The following COL20A1 variants were observed in gnomAD, a reference collection of about 807,000 sequenced individuals.
The protein encoded by COL20A1 is collagen type XX alpha 1 chain.
COL20A1 carries 164 observed loss-of-function variants against 152.9 expected under a neutral mutation model. The observed-to-expected ratio is 1.07, with a 90% CI of 0.94 to 1.22. COL20A1 has a LOEUF of 1.22. Among genes scored for constraint, COL20A1 ranks in the 50% most tolerant of loss-of-function variants. COL20A1 has a pLI of 0.00. For missense variants in COL20A1, 1,873 were observed against 1,744.8 expected, an observed-to-expected ratio of 1.07 and a Z score of -1.31; for synonymous variants, 864 against 756.0, an observed-to-expected ratio of 1.14 and a Z score of -2.34.
chr20:63,300,117 TATTTC>T (rs1166325869), intron 3 of COL20A1, among the ~76,000 whole-genome samples: 3 of 152,092 alleles, frequency 2.0e-5, no homozygotes, highest in African/African-American at 4.8e-5. Flanking sequence ...AATTTGCAAA[TATTTC>T]ATTTAAGATT....
chr20:63,303,803 T>C (rs1329554636), intron 3 of COL20A1, among the ~76,000 whole-genome samples: 1 of 150,242 alleles, frequency 6.7e-6, no homozygotes, highest in African/African-American at 2.5e-5. Flanking sequence ...CTCCCTCCCT[T>C]CCTCCCTCCC....
intron 27 of COL20A1, among the ~76,000 whole-genome samples, chr20:63,322,793 A>G (rs1284331223): frequency 1.3e-5 from 2 of 152,022 alleles, no homozygotes; most frequent in African/African-American, 4.8e-5. Flanking sequence ...CCCGACACCC[A>G]CCTCTCCCCC....
At chr20:63,330,399 CA>C (rs2068317782) in intron 35 of COL20A1, among the ~76,000 whole-genome samples, 1 of 152,098 alleles carries the variant, frequency 6.6e-6, no homozygotes, top group South Asian at 2.1e-4. Flanking sequence ...GCAGGAGACC[CA>C]GGGGCTCCTG....
chr20:63,307,183 C>A (rs912108076), intron 5 of COL20A1, among the ~76,000 whole-genome samples: 1 of 152,246 alleles, frequency 6.6e-6, no homozygotes, highest in African/African-American at 2.4e-5. Context: ...TGCCCACCCT[C>A]CCCTCCTTGC....
Position 63,314,168 on chromosome 20 carries a change from A to G in COL20A1, c.2455A>G (p.Arg819Gly). ...VLVSAIYAAG[R>G]SEAVSATGQT... ...GGTCTCAGCTATCTATGCAGCAGGC[A>G]GGAGTGAGGCTGTGTCTGCCACGGG... The change falls in exon 19 of 36, where the codon AGG becomes GGG. Residue 819 changes from arginine to glycine, a missense_variant. Coordinates refer to ENST00000358894, the MANE Select transcript of COL20A1 (RefSeq NM_020882.4). The G allele has an allele frequency of 6.3e-7, 1 of 1,582,530 alleles. No individual in the cohort carries two copies. Among genetic ancestry groups the G allele is most frequent in the Non-Finnish European group, 8.6e-7 (1 of 1,164,802 alleles).
chr20:63,323,191 G>A (rs572529415), intron 27 of COL20A1, among the ~76,000 whole-genome samples: 1 of 152,380 alleles, frequency 6.6e-6, no homozygotes, highest in African/African-American at 2.4e-5. Flanking sequence ...GATGTCCTCT[G>A]ACTTCTTCTC....
rs1178227322 is a variant in COL20A1 at position 63,310,386 on chromosome 20, G to A, written c.1269G>A (p.Val423=). Residue 423 remains valine, a synonymous_variant, in exon 11 of 36, where the codon GTG becomes GTA. Coordinates refer to ENST00000358894, the MANE Select transcript of COL20A1 (RefSeq NM_020882.4). ...CCTTGCCCACTCTGTTCCAGGTGGTGGTGGAGGGACCCGCCGCCTCCACGG... is the reference window on the plus strand; with the variant it reads ...CCTTGCCCACTCTGTTCCAGGTGGTAGTGGAGGGACCCGCCGCCTCCACGG... ...ASRGGTPREV[V]VEGPAASTEL... The A allele has an allele frequency of 1.2e-6, 2 of 1,610,966 alleles. No homozygotes were observed. The highest frequency in any genetic ancestry group is 2.7e-5 in the African/African-American group (2 of 74,876).
chr20:63,324,688 C>A (rs960973124), intron 27 of COL20A1: 1 of 153,094 alleles, frequency 6.5e-6, no homozygotes, highest in South Asian at 2.0e-4. Context: ...CTGCAGAGCT[C>A]AGCTTGCTGA....
intron 30 of COL20A1, 113 bp downstream of exon 30, chr20:63,326,262 G>T: frequency 1.2e-6 from 1 of 802,798 alleles, no homozygotes; most frequent in Non-Finnish European, 2.1e-6. Flanking sequence ...CCCAGGAAGT[G>T]CCTGGGAGGG....
chr20:63,301,577 T>C (rs1347327252), intron 3 of COL20A1, among the ~76,000 whole-genome samples: 2 of 152,246 alleles, frequency 1.3e-5, no homozygotes. Flanking sequence ...CTTTGCTTTA[T>C]GCATGAGGCT....
In COL20A1 at chr20:63,306,155, C is replaced by T. The variant is rs2123389090; in HGVS notation, c.496+116C>T. On this transcript the variant is annotated intron_variant, in intron 5 of 35. Transcript: ENST00000358894. The surrounding 1 kb of genome is among the most constrained non-coding windows in gnomAD (Gnocchi z 6.9). The stretch of plus-strand genomic sequence containing the variant: ...TCGTGTCTGACCACACGGTCTCTGA[C>T]CACGAGGCCAGGAAGTTCTTCCTCG... 1.1e-6 allele frequency: 1 copy of T among 924,870 alleles called. No individual in the cohort carries two copies. Among genetic ancestry groups the T allele is most frequent in the South Asian group, 1.7e-5 (1 of 57,610 alleles). 57.3% of individuals were successfully genotyped at this position (924,870 alleles called of 1,614,324 possible).
intron 28 of COL20A1, 64 bp from the exon 29 acceptor site, chr20:63,325,604 A>G: frequency 6.4e-7 from 1 of 1,569,630 alleles, no homozygotes; most frequent in Non-Finnish European, 8.7e-7. Flanking sequence ...GAGGCCTCAC[A>G]GGCAGGGCCA....
chr20:63,327,830 C>T, intron 31 of COL20A1, 122 bp from the exon 32 acceptor site: 2 of 1,014,480 alleles, frequency 2.0e-6, no homozygotes, highest in Non-Finnish European at 3.0e-6. Flanking sequence ...ATGGGGCTTT[C>T]ACACCGCCAC....
intron 2 of COL20A1, among the ~76,000 whole-genome samples, chr20:63,296,800 G>A (rs2067799608): frequency 6.6e-6 from 1 of 152,024 alleles, no homozygotes; most frequent in Non-Finnish European, 1.5e-5. Context: ...CCCAGCTGCT[G>A]CCTGCTCTGA....
chr20:63,322,234 G>A (rs541972862), intron 27 of COL20A1, 123 bp downstream of exon 27: 6 of 785,740 alleles, frequency 7.6e-6, no homozygotes, highest in African/African-American at 5.6e-5. Flanking sequence ...GCAGGGTGGG[G>A]TCTCCCCAAG....
At position 63,334,771 on chromosome 20, in the gene COL20A1, G is replaced by A. The variant is rs1006866494; in HGVS notation, c.*4055G>A. ...ATTCCAACTCAAACAATTTTAAATA[G>A]TAGAAAATAAACCCTGAAGCAGTGT... On this transcript the variant is annotated 3_prime_UTR_variant, in exon 36 of 36. Transcript: ENST00000358894. The A allele has an allele frequency of 1.3e-5, 2 of 152,224 alleles. No homozygotes were observed. Among genetic ancestry groups the A allele is most frequent in the African/African-American group, 4.8e-5 (2 of 41,448 alleles). 9.4% of individuals were successfully genotyped at this position (152,224 alleles called of 1,614,324 possible). A position where few individuals can be genotyped will look rare whatever the true frequency, so the allele number is the denominator to read the frequency against.
rs191749418 is a variant in COL20A1, at chr20:63,308,950, G to A, written c.940+244G>A. ...ACCACCCCAACCCTCCCCCTGTGGC[G>A]TGAACTTCCCTGGTGAGATATTCAC... is the stretch of plus-strand genomic sequence containing the variant. On this transcript the variant is annotated intron_variant, in intron 8 of 35. Transcript: ENST00000358894. 3.4e-4 allele frequency among the ~76,000 whole-genome samples: 52 copies of A among 152,130 alleles called. No homozygotes were observed. In the East Asian group the frequency reaches 7.8e-3, roughly 23 times the overall value.
In COL20A1 at chr20:63,313,101, G is replaced by A. The variant is rs2123406582; in HGVS notation, c.2077-16G>A. The A allele has an allele frequency of 6.2e-7, 1 of 1,600,374 alleles. No individual in the cohort carries two copies. On this transcript the variant is annotated splice_polypyrimidine_tract_variant and intron_variant, in intron 16 of 35. Coordinates refer to ENST00000358894, the MANE Select transcript of COL20A1 (RefSeq NM_020882.4). The surrounding 1 kb of genome is among the most constrained non-coding windows in gnomAD (Gnocchi z 5.9). Reference sequence around the variant, plus strand: ...CCCACTGCACCCGGTGACCCCTGGGGCTCTCCTCTCCCTAGATCTCTGTCC... The same window carrying A: ...CCCACTGCACCCGGTGACCCCTGGGACTCTCCTCTCCCTAGATCTCTGTCC...
At chr20:63,303,892 T>C (rs1601407357) in intron 3 of COL20A1, among the ~76,000 whole-genome samples, 2 of 129,240 alleles carry the variant, frequency 1.5e-5, no homozygotes, top group South Asian at 2.7e-4. Context: ...ACCCTCCTCT[T>C]CTCCCTGCAG....
Sources: gnomAD v4.1 joint callset for allele counts (sites outside exome capture counted in the v4.1 genomes callset) on GRCh38, gnomAD v4.1.1 for gene constraint, Gnocchi (gnomAD v3.1) non-coding constraint, MANE v1.5 for transcripts, NCBI Gene and HGNC (gene_info 2026-07-23, HGNC 2026-07-21) for gene names.